Variants in ARMC2 observed in about 807,000 individuals in gnomAD.
ARMC2 encodes the protein armadillo repeat containing 2.
ARMC2 carries 67 observed loss-of-function variants against 90.3 expected under a neutral mutation model. The observed-to-expected ratio is 0.74, with a 90% CI of 0.61 to 0.91. The LOEUF (loss-of-function observed/expected upper bound fraction) is 0.91. Ranked by LOEUF, ARMC2 falls within the 40% of genes least tolerant of loss-of-function variation. The probability of loss-of-function intolerance (pLI) is 0.00; values close to 1 mark genes in which losing one functional copy is unlikely to be tolerated. For missense variants in ARMC2, 920 were observed against 1,030.9 expected (o/e 0.89, Z 1.47); for synonymous variants, 393 against 393.0 (o/e 1.00, Z 0.00).
chr6:108,994,645 G>T, the ARMC2 span: 1 of 1,467,806 alleles, frequency 6.8e-7, no homozygotes. Context: ...ACATGTGGCA[G>T]ACATAGAATA....
chr6:108,997,762 G>T, the ARMC2 span, among the ~76,000 whole-genome samples: 1 of 152,120 alleles, frequency 6.6e-6, no homozygotes. Context: ...CATTCAGATG[G>T]CTGTGGTACT....
At chr6:109,020,384 G>C in the ARMC2 span, among the ~76,000 whole-genome samples, 2 of 152,000 alleles carry the variant, frequency 1.3e-5, no homozygotes, top group African/African-American at 2.4e-5. Context: ...TAAAATAATA[G>C]TGTATTTTTA....
Position 108,904,211 on chromosome 6 carries a change from A to C in ARMC2, c.848-19A>C, listed in dbSNP as rs555801026. The C allele has an allele frequency of 6.2e-7, 1 of 1,611,802 alleles. No individual in the cohort carries two copies. Among genetic ancestry groups the C allele is most frequent in the South Asian group, 1.1e-5 (1 of 90,586 alleles). ...AACCTTAATTAGTAAGTGTTGCTTT[A>C]CTCTCTTTGCTCTGACAGAAGAAAA... On this transcript the variant is annotated intron_variant, in intron 7 of 17. Transcript: ENST00000392644.
At chr6:108,916,224 G>A (rs1446614260) in intron 10 of ARMC2, among the ~76,000 whole-genome samples, 1 of 152,196 alleles carries the variant, frequency 6.6e-6, no homozygotes, top group South Asian at 2.1e-4. Flanking sequence ...GTTTTGTGGC[G>A]TGGCTGCTCT....
chr6:108,996,647 T>A, the ARMC2 span, among the ~76,000 whole-genome samples: 1 of 151,962 alleles, frequency 6.6e-6, no homozygotes, highest in African/African-American at 2.4e-5. Context: ...AAAAAAAAAA[T>A]GGCATTTCAT....
chr6:109,009,952 A>C, the ARMC2 span, among the ~76,000 whole-genome samples: 4 of 152,252 alleles, frequency 2.6e-5, no homozygotes, highest in Admixed American at 2.6e-4. Flanking sequence ...AAGTTCTCTA[A>C]ATTCGATAAA....
At chr6:108,865,263 A>G (rs1775700895) in intron 3 of ARMC2, among the ~76,000 whole-genome samples, 1 of 152,212 alleles carries the variant, frequency 6.6e-6, no homozygotes, top group Admixed American at 6.5e-5. Flanking sequence ...GATTACAGGC[A>G]TGAGCCACCG....
At chr6:108,943,271 T>C (rs1439692908) in intron 12 of ARMC2, among the ~76,000 whole-genome samples, 1 of 152,196 alleles carries the variant, frequency 6.6e-6, no homozygotes, top group Non-Finnish European at 1.5e-5. Context: ...TATATTCGAG[T>C]ATATAAAGTC....
At chr6:108,957,028 G>T (rs1430318345) in intron 13 of ARMC2, among the ~76,000 whole-genome samples, 1 of 152,182 alleles carries the variant, frequency 6.6e-6, no homozygotes, top group African/African-American at 2.4e-5. Context: ...AGGTGGTCAA[G>T]GGCCTCCCTG....
At chr6:109,022,763 T>C in the ARMC2 span, among the ~76,000 whole-genome samples, 1 of 152,016 alleles carries the variant, frequency 6.6e-6, no homozygotes, top group Non-Finnish European at 1.5e-5. Context: ...CATAACACCT[T>C]AGGTACATGC....
chr6:108,858,223 A>G lies in ARMC2; in HGVS notation c.243A>G (p.Ser81=), dbSNP rs1774852496. The change falls in exon 3 of 18, where the codon TCA becomes TCG. Residue 81 remains serine, a synonymous_variant. Coordinates refer to ENST00000392644, the MANE Select transcript of ARMC2 (RefSeq NM_032131.6). ...SFSLHASSFE[S]SDSRPISGTR... ...GCCTCCATGCATCCAGTTTTGAGTC[A>G]TCTGATTCCAGGCCTATCTCTGGCA... 17 of 1,611,368 alleles carry G rather than the reference A, an allele frequency of 1.1e-5. No homozygotes were observed. Among genetic ancestry groups the G allele is most frequent in the Non-Finnish European group, 1.4e-5 (16 of 1,178,030 alleles).
rs538361325 is a variant in ARMC2 at position 108,860,864 on chromosome 6, T to G, written c.291+2593T>G. On this transcript the variant is annotated intron_variant, in intron 3 of 17. Transcript: ENST00000392644. ...TATCTTCCACGCTGTTTCCTGGATG[T>G]TAAAGTCTGGTTGCTAGCTTCCAGG... 5.9e-5 allele frequency among the ~76,000 whole-genome samples: 9 copies of G among 152,220 alleles called. No homozygotes were observed. In the East Asian group the frequency reaches 1.5e-3, roughly 26 times the overall value.
At chr6:109,023,505 C>G in the ARMC2 span, among the ~76,000 whole-genome samples, 1 of 152,050 alleles carries the variant, frequency 6.6e-6, no homozygotes, top group Admixed American at 6.5e-5. Flanking sequence ...ATGTTGTGTT[C>G]AGTTTTAAGG....
At chr6:108,869,063 A>T in intron 4 of ARMC2, 68 bp downstream of exon 4, 1 of 1,462,704 alleles carries the variant, frequency 6.8e-7, no homozygotes, top group Non-Finnish European at 9.1e-7. Context: ...CACAAAAGCT[A>T]ATTTTATATG....
At chr6:108,940,373 A>G (rs1298541057) in intron 12 of ARMC2, among the ~76,000 whole-genome samples, 1 of 152,190 alleles carries the variant, frequency 6.6e-6, no homozygotes, top group Non-Finnish European at 1.5e-5. Context: ...GAGGCACCCA[A>G]GTGGAACTTC....
the ARMC2 span, among the ~76,000 whole-genome samples, chr6:109,048,852 A>G: frequency 1.3e-5 from 2 of 152,184 alleles, no homozygotes; most frequent in African/African-American, 2.4e-5. Flanking sequence ...ATGGCCATAT[A>G]TCACAGGCTG....
intron 7 of ARMC2, among the ~76,000 whole-genome samples, chr6:108,902,920 G>T (rs1772296773): frequency 6.6e-6 from 1 of 151,934 alleles, no homozygotes; most frequent in South Asian, 2.1e-4. Flanking sequence ...ACATTCCCAG[G>T]ACTTTGGGAG....
At chr6:108,907,778 CT>C in intron 8 of ARMC2, 1 of 1,611,040 alleles carries the variant, frequency 6.2e-7, no homozygotes, top group Non-Finnish European at 8.5e-7. Context: ...GAAAATGCCA[CT>C]AGGGCTGAAG....
the ARMC2 span, among the ~76,000 whole-genome samples, chr6:109,013,099 GGA>G: frequency 5.7e-5 from 7 of 122,004 alleles, no homozygotes; most frequent in Non-Finnish European, 5.8e-5. Context: ...CTGGCAACAG[GGA>G]AAAAAAAAAA....
Sources: allele counts gnomAD v4.1 joint callset (sites outside exome capture counted in the v4.1 genomes callset), GRCh38; gene constraint gnomAD v4.1.1; transcripts MANE v1.5; gene names NCBI Gene and HGNC (gene_info 2026-07-23, HGNC 2026-07-21).